NHSL1: variants seen among roughly 807,000 people sequenced by gnomAD.
NHSL1 encodes NHS-like protein 1.
Under a neutral mutation model 95.0 loss-of-function variants are expected in NHSL1, and 48 were observed. The ratio of observed to expected loss-of-function variants is 0.51; its 90% CI spans 0.40 to 0.64. The LOEUF is 0.64. Ranked by LOEUF, NHSL1 falls within the 30% of genes least tolerant of loss-of-function variation. The pLI is 0.00. For missense variants in NHSL1, 1,971 were observed against 2,077.7 expected (o/e 0.95, Z 1.00); for synonymous variants, 783 against 833.9 (o/e 0.94, Z 1.05).
intron 1 of NHSL1, among the ~76,000 whole-genome samples, chr6:138,621,640 T>C (rs1378725917): frequency 6.6e-6 from 1 of 152,160 alleles, no homozygotes; most frequent in Non-Finnish European, 1.5e-5. Context: ...GACCAGCTAA[T>C]TTTTGAATTA....
chr6:138,558,154 G>T (rs1783264987), intron 1 of NHSL1, among the ~76,000 whole-genome samples: 1 of 151,870 alleles, frequency 6.6e-6, no homozygotes, highest in African/African-American at 2.4e-5. Flanking sequence ...ATGGAGTCTT[G>T]TTCTGTTGCC....
chr6:138,635,852 G>A (rs957043396), intron 1 of NHSL1, among the ~76,000 whole-genome samples: 5 of 151,072 alleles, frequency 3.3e-5, no homozygotes, highest in African/African-American at 7.3e-5. Flanking sequence ...AGTGGCTCAC[G>A]CCAGTAATCC....
chr6:138,645,692 G>C (rs1177132956), intron 1 of NHSL1, among the ~76,000 whole-genome samples: 2 of 151,852 alleles, frequency 1.3e-5, no homozygotes, highest in African/African-American at 2.4e-5. Context: ...ATTTTTAGTA[G>C]AGATGGGGTT....
At chr6:138,692,736 G>A (rs1355500824), upstream of NHSL1, 1 of 151,702 alleles carries the variant, frequency 6.6e-6, no homozygotes, top group East Asian at 1.9e-4. The surrounding 1 kb of genome is among the most constrained non-coding windows in gnomAD (Gnocchi z 4.0). Flanking sequence ...CAGCCGCGCG[G>A]GCTCCAGGGT....
chr6:138,550,732 A>T (rs1399867820), intron 1 of NHSL1, among the ~76,000 whole-genome samples: 1 of 152,228 alleles, frequency 6.6e-6, no homozygotes, highest in Non-Finnish European at 1.5e-5. Context: ...ATAAATTAGA[A>T]ATTAGTTTGC....
In NHSL1 at chr6:138,496,202, A is replaced by G. The variant is rs1175799138; in HGVS notation, c.211+17T>C. The G allele has an allele frequency of 6.4e-7, 1 of 1,550,742 alleles. No homozygotes were observed. The highest frequency in any genetic ancestry group is 1.2e-5 in the South Asian group (1 of 83,928). Reference sequence around the variant, plus strand: ...CAGTAACCCAAGAAAATAAGCTCACAGAGGATGCCATCTTACCCCTCAGTA... The same window carrying G: ...CAGTAACCCAAGAAAATAAGCTCACGGAGGATGCCATCTTACCCCTCAGTA... On this transcript the variant is annotated intron_variant, in intron 2 of 7. Transcript: ENST00000343505.
At chr6:138,498,907 C>T (rs1234107937) in intron 1 of NHSL1, among the ~76,000 whole-genome samples, 1 of 152,198 alleles carries the variant, frequency 6.6e-6, no homozygotes, top group Non-Finnish European at 1.5e-5. Flanking sequence ...AATTTCCCCC[C>T]TCTTCAAAGG....
intron 1 of NHSL1, among the ~76,000 whole-genome samples, chr6:138,528,072 G>C (rs1781985444): frequency 1.3e-5 from 2 of 152,168 alleles, no homozygotes; most frequent in Non-Finnish European, 2.9e-5. Flanking sequence ...CTGGAAACTG[G>C]TAAATTATAC....
chr6:138,501,480 C>G (rs563988093), upstream of NHSL1, among the ~76,000 whole-genome samples: 2 of 152,116 alleles, frequency 1.3e-5, no homozygotes, highest in East Asian at 3.9e-4. Context: ...CAGGGTGGTC[C>G]TCGTGAAAAG....
intron 1 of NHSL1, among the ~76,000 whole-genome samples, chr6:138,608,091 A>G (rs558284268): frequency 1.3e-5 from 2 of 152,360 alleles, no homozygotes; most frequent in South Asian, 4.1e-4. Flanking sequence ...TGCAACAGTG[A>G]GCCCCAACAA....
In NHSL1 at chr6:138,521,340, C is replaced by T. The variant is rs367751245; in HGVS notation, c.16+24283G>A. ...AATTCACTGGGACTGATTGTGCACACCTGTGGTCTCAGCTACTTAAGAGGT... is the reference window on the plus strand; with the variant it reads ...AATTCACTGGGACTGATTGTGCACATCTGTGGTCTCAGCTACTTAAGAGGT... On this transcript the variant is annotated intron_variant, in intron 1 of 4. Coordinates refer to the NHSL1 transcript ENST00000342260. Among the ~76,000 whole-genome samples, 5 of 152,152 alleles carry T rather than the reference C, an allele frequency of 3.3e-5. No individual in the cohort carries two copies. In the East Asian group the frequency reaches 5.8e-4, roughly 18 times the overall value.
intron 1 of NHSL1, among the ~76,000 whole-genome samples, chr6:138,639,022 T>G (rs1391660907): frequency 6.6e-6 from 1 of 152,224 alleles, no homozygotes; most frequent in Non-Finnish European, 1.5e-5. Context: ...TACCATCTGT[T>G]TTAATAAAGG....
intron 1 of NHSL1, among the ~76,000 whole-genome samples, chr6:138,624,401 G>A (rs138556202): frequency 1.3e-4 from 20 of 152,216 alleles, no homozygotes; most frequent in Middle Eastern, 3.4e-3. Context: ...AAATGTAAGC[G>A]TTCATTGTAT....
chr6:138,478,012 C>CTTTTTTTTTTTTTTTTTTTT (rs71009589), intron 2 of NHSL1, among the ~76,000 whole-genome samples: 1 of 29,996 alleles, frequency 3.3e-5, no homozygotes, highest in Non-Finnish European at 5.8e-5. Context: ...ATTTATGTCA[C>CTTTTTTTTTTTTTTTTTTTT]TTTTTTTTTT....
chr6:138,585,626 T>C (rs1234771969), intron 1 of NHSL1, among the ~76,000 whole-genome samples: 1 of 151,964 alleles, frequency 6.6e-6, no homozygotes, highest in African/African-American at 2.4e-5. Flanking sequence ...TCACTGGTAA[T>C]TTTTCTAAGG....
rs1202082058 is a variant in NHSL1, at chr6:138,489,853, G to GGAGA, written c.211+6362_211+6365dup. On this transcript the variant is annotated intron_variant, in intron 2 of 7. Coordinates refer to ENST00000343505, the MANE Select transcript of NHSL1 (RefSeq NM_001144060.2). ...GAGAGAGAGAGAGAGAGGGAGAGAG[G>GGAGA]GAGAGAGAGAGAGAGAGAGGGAGAG... 1.9e-3 allele frequency among the ~76,000 whole-genome samples: 70 copies of GGAGA among 36,974 alleles called. 1 individual carries two copies. Among genetic ancestry groups the GGAGA allele is most frequent in the Non-Finnish European group, 2.7e-3 (56 of 20,742 alleles). The allele number at this position is 36,974 out of a possible 152,430, so 24.3% of individuals were successfully genotyped here. A position where few individuals can be genotyped will look rare whatever the true frequency, so the allele number is the denominator to read the frequency against.
intron 1 of NHSL1, among the ~76,000 whole-genome samples, chr6:138,523,652 A>AAAAAAAC (rs1781784334): frequency 6.7e-6 from 1 of 150,190 alleles, no homozygotes; most frequent in East Asian, 2.0e-4. Flanking sequence ...AAAAAAAAAA[A>AAAAAAAC]CAGAGCTAAA....
chr6:138,634,783 C>T (rs1014893219), intron 1 of NHSL1, among the ~76,000 whole-genome samples: 1 of 151,272 alleles, frequency 6.6e-6, no homozygotes, highest in South Asian at 2.1e-4. Context: ...CAAGGATAGA[C>T]CATATGTTAG....
At position 138,423,929 on chromosome 6, in the gene NHSL1, A is replaced by T; in HGVS notation, c.*152T>A. ...CCAGGTGAGTCCTAAATAACCGTTC[A>T]CTCACACTGCAGGGCTGGCAACCCC... On this transcript the variant is annotated 3_prime_UTR_variant, in exon 8 of 8. Transcript: ENST00000343505. 1 of 657,904 alleles carries T rather than the reference A, an allele frequency of 1.5e-6. No individual in the cohort carries two copies. Among genetic ancestry groups the T allele is most frequent in the Non-Finnish European group, 2.2e-6 (1 of 461,502 alleles). The allele number at this position is 657,904 out of a possible 1,614,324, so 40.8% of individuals were successfully genotyped here. A position where few individuals can be genotyped will look rare whatever the true frequency, so the allele number is the denominator to read the frequency against.
Sources: gnomAD v4.1 joint callset for allele counts (sites outside exome capture counted in the v4.1 genomes callset) on GRCh38, gnomAD v4.1.1 for gene constraint, Gnocchi (gnomAD v3.1) non-coding constraint, MANE v1.5 for transcripts, NCBI Gene and HGNC (gene_info 2026-07-23, HGNC 2026-07-21) for gene names.